The following CCL25 variants were observed in gnomAD, a reference collection of about 807,000 sequenced individuals.
The protein encoded by CCL25 is C-C motif chemokine 25.
In CCL25, 14 loss-of-function variants were observed where a neutral mutation model predicts 19.9. That is an observed-to-expected ratio of 0.70 (90% confidence interval 0.47 to 1.10). CCL25 has a LOEUF of 1.10. Ranked by LOEUF, CCL25 falls within the 50% of genes least tolerant of loss-of-function variation. CCL25 has a pLI of 0.00. For synonymous variants in CCL25, 68 were observed against 73.2 expected, an observed-to-expected ratio of 0.93 and a Z score of 0.36; for missense variants, 151 against 181.2, an observed-to-expected ratio of 0.83 and a Z score of 0.96.
chr19:8,053,881 C>T (rs1240648193), intron 2 of CCL25, among the ~76,000 whole-genome samples: 1 of 152,152 alleles, frequency 6.6e-6, no homozygotes, highest in African/African-American at 2.4e-5. Context: ...GTTTCCTCAG[C>T]TGCAAAGTGG....
At chr19:8,054,923 G>A (rs928293806) in intron 2 of CCL25, among the ~76,000 whole-genome samples, 22 of 151,194 alleles carry the variant, frequency 1.5e-4, no homozygotes, top group Non-Finnish European at 2.8e-4. Flanking sequence ...GCGTGATCTC[G>A]GCTCACTGCA....
In CCL25 at chr19:8,057,915, A is replaced by C; in HGVS notation, c.440A>C (p.Asn147Thr). The change falls in exon 5 of 6, where the codon AAT becomes ACT. Residue 147 changes from asparagine to threonine, a missense_variant. By Grantham distance (65) the Asn-to-Thr change is moderately conservative. Transcript: ENST00000315626. ...AATGTCTCCCTCCTGATATCAGCTA[A>C]TTCAGGTAAGGACTCTTGGTCATGT... ...KRNVSLLISA[N>T]SGL The C allele has an allele frequency of 6.2e-7, 1 of 1,611,790 alleles. No homozygotes were observed. The highest frequency in any genetic ancestry group is 8.5e-7 in the Non-Finnish European group (1 of 1,178,420).
At position 8,056,168 on chromosome 19, in the gene CCL25, C is replaced by G; in HGVS notation, c.90C>G (p.Cys30Trp). 6.5e-7 allele frequency: 1 copy of G among 1,548,698 alleles called. No homozygotes were observed. The highest frequency in any genetic ancestry group is 8.7e-7 in the Non-Finnish European group (1 of 1,149,486). The change falls in exon 3 of 6, where the codon TGC (cysteine) becomes TGG (tryptophan). Residue 30 changes from cysteine (C) to tryptophan (W), a missense_variant. Cys to Trp is a radical substitution (Grantham distance 215). Transcript: ENST00000315626. ...AVHTQGVFED[C>W]CLAYHYPIGW... Reference sequence around the variant, plus strand: ...TGGTTGCAGGTGTCTTTGAGGACTGCTGCCTGGCCTACCACTACCCCATTG... The same window carrying G: ...TGGTTGCAGGTGTCTTTGAGGACTGGTGCCTGGCCTACCACTACCCCATTG...
chr19:8,059,044 T>C (rs931530720), intron 5 of CCL25, among the ~76,000 whole-genome samples: 15 of 117,894 alleles, frequency 1.3e-4, no homozygotes, highest in Admixed American at 2.5e-4. Context: ...TATATAAACA[T>C]ATATGTAATA....
intron 2 of CCL25, 109 bp from the exon 3 acceptor site, chr19:8,056,043 G>T: frequency 1.4e-6 from 1 of 700,786 alleles, no homozygotes; most frequent in East Asian, 2.7e-5. Flanking sequence ...GGGCCTGGAA[G>T]GGTTGTGGTA....
chr19:8,054,893 G>A (rs929748334), intron 2 of CCL25, among the ~76,000 whole-genome samples: 1 of 151,466 alleles, frequency 6.6e-6, no homozygotes, highest in African/African-American at 2.4e-5. Context: ...TGCTATTGTC[G>A]CCCAGGCTGG....
rs1225116631 is a variant in CCL25 at position 8,062,224 on chromosome 19, G to C, written c.452G>C (p.Ter151SerextTer90). ...SLLISANSGL[*>S] Reference sequence around the variant, plus strand: ...TCTCTCATTGCTTCTGCAGGACTGTGAGCCGGCTCATTTCTGGGCTCCATC... The same window carrying C: ...TCTCTCATTGCTTCTGCAGGACTGTCAGCCGGCTCATTTCTGGGCTCCATC... Residue 151 changes from the stop codon to serine, a stop_lost, in exon 6 of 6, where the codon TGA becomes TCA. Transcript: ENST00000315626. 1.2e-6 allele frequency: 2 copies of C among 1,612,902 alleles called. No homozygotes were observed. The highest frequency in any genetic ancestry group is 1.7e-5 in the Admixed American group (1 of 59,980).
intron 5 of CCL25, among the ~76,000 whole-genome samples, chr19:8,058,798 A>G (rs1231524452): frequency 1.4e-5 from 2 of 139,876 alleles, no homozygotes; most frequent in African/African-American, 5.2e-5. Flanking sequence ...AGCTGGGACT[A>G]CAGGCGCCCG....
chr19:8,061,669 CTG>C (rs1568337158), intron 5 of CCL25, among the ~76,000 whole-genome samples: 1 of 151,966 alleles, frequency 6.6e-6, no homozygotes, highest in Non-Finnish European at 1.5e-5. Flanking sequence ...ATCCAGAGCT[CTG>C]TGTCAGAAAC....
Position 8,062,195 on chromosome 19 carries a change from G to A in CCL25, c.446-23G>A, listed in dbSNP as rs75227795. On this transcript the variant is annotated intron_variant, in intron 5 of 5. Coordinates refer to ENST00000315626, the MANE Select transcript of CCL25 (RefSeq NM_005624.4). ...ATTTTACAGCCGTCAATTTTACTTCGGCCTCTCTCATTGCTTCTGCAGGAC... is the reference window on the plus strand; with the variant it reads ...ATTTTACAGCCGTCAATTTTACTTCAGCCTCTCTCATTGCTTCTGCAGGAC... The A allele has an allele frequency of 3.5e-4, 557 of 1,612,398 alleles. 1 individual carries two copies. In the African/African-American group the frequency reaches 4.9e-3, roughly 14 times the overall value.
At chr19:8,057,692 G>C in intron 4 of CCL25, 109 bp from the exon 5 acceptor site, 2 of 1,433,672 alleles carry the variant, frequency 1.4e-6, no homozygotes, top group Non-Finnish European at 1.9e-6. Flanking sequence ...CAAGCACATG[G>C]GAGACTCATT....
At chr19:8,057,132 C>T (rs1348418675) in intron 4 of CCL25, among the ~76,000 whole-genome samples, 7 of 143,118 alleles carry the variant, frequency 4.9e-5, no homozygotes, top group Admixed American at 2.9e-4. Context: ...GCGATTCTCC[C>T]GCCTCAGCCC....
At chr19:8,054,074 A>G (rs1006528683) in intron 2 of CCL25, among the ~76,000 whole-genome samples, 1 of 152,176 alleles carries the variant, frequency 6.6e-6, no homozygotes, top group East Asian at 1.9e-4. Context: ...TCGCCAAAGG[A>G]CAATTCCTGG....
chr19:8,059,127 A>T (rs1472265066), intron 5 of CCL25, among the ~76,000 whole-genome samples: 109 of 100,896 alleles, frequency 1.1e-3, no homozygotes, highest in Non-Finnish European at 1.6e-3. Flanking sequence ...ATAAATATAT[A>T]TAAATATATA....
At chr19:8,056,056 AGCAGACAGGTAT>A in intron 2 of CCL25, 84 bp from the exon 3 acceptor site, 1 of 803,188 alleles carries the variant, frequency 1.2e-6, no homozygotes, top group Non-Finnish European at 2.0e-6. Context: ...TTGTGGTATG[AGCAGACAGGTAT>A]GCAGACAGGT....
intron 4 of CCL25, among the ~76,000 whole-genome samples, chr19:8,056,787 C>T (rs1197296466): frequency 6.6e-6 from 1 of 152,114 alleles, no homozygotes; most frequent in East Asian, 1.9e-4. Flanking sequence ...TCAAGCAATC[C>T]TCCCACTTCA....
Position 8,062,602 on chromosome 19 carries a change from C to T in CCL25, c.*377C>T, listed in dbSNP as rs2081325786. The T allele has an allele frequency of 4.5e-6, 1 of 221,966 alleles. No homozygotes were observed. Among genetic ancestry groups the T allele is most frequent in the Non-Finnish European group, 8.8e-6 (1 of 113,970 alleles). The allele number at this position is 221,966 out of a possible 1,614,324, so 13.7% of individuals were successfully genotyped here. A position where few individuals can be genotyped will look rare whatever the true frequency, so the allele number is the denominator to read the frequency against. On this transcript the variant is annotated 3_prime_UTR_variant, in exon 6 of 6. Coordinates refer to ENST00000315626, the MANE Select transcript of CCL25 (RefSeq NM_005624.4). Reference sequence around the variant, plus strand: ...TCAGTTCAAGGATGCCCCTCCCAGGCTATGCTTTTCTATAACTTTTAAATA... The same window carrying T: ...TCAGTTCAAGGATGCCCCTCCCAGGTTATGCTTTTCTATAACTTTTAAATA...
chr19:8,056,758 C>A (rs548584669), intron 4 of CCL25, among the ~76,000 whole-genome samples: 1 of 152,166 alleles, frequency 6.6e-6, no homozygotes, highest in Non-Finnish European at 1.5e-5. Flanking sequence ...TAGCTCACTG[C>A]GGCCTCAAAC....
At chr19:8,054,025 C>T (rs1158379228) in intron 2 of CCL25, among the ~76,000 whole-genome samples, 1 of 152,206 alleles carries the variant, frequency 6.6e-6, no homozygotes, top group Non-Finnish European at 1.5e-5. Context: ...TTCCTTCTTC[C>T]CCACTCCCTA....
Sources: gnomAD v4.1 joint callset for allele counts (sites outside exome capture counted in the v4.1 genomes callset) on GRCh38, gnomAD v4.1.1 for gene constraint, MANE v1.5 for transcripts, NCBI Gene and HGNC (gene_info 2026-07-23, HGNC 2026-07-21) for gene names.